ACYP2: variants seen among roughly 807,000 people sequenced by gnomAD.
ACYP2 encodes acylphosphatase 2.
ACYP2 carries 12 observed loss-of-function variants against 11.2 expected under a neutral mutation model. The observed-to-expected ratio is 1.08, with a 90% CI of 0.69 to 1.74. The LOEUF is 1.74. Among genes scored for constraint, ACYP2 ranks in the 40% most tolerant of loss-of-function variants. The pLI is 0.00. For synonymous variants in ACYP2, 43 were observed against 32.2 expected (o/e 1.33, Z -1.13); for missense variants, 134 against 101.9 (o/e 1.31, Z -1.35).
chr2:54,099,514 A>G (rs940341848), intron 4 of ACYP2, among the ~76,000 whole-genome samples: 5 of 152,128 alleles, frequency 3.3e-5, no homozygotes, highest in Non-Finnish European at 7.4e-5. Context: ...GATTCCACAT[A>G]TGGGTGAGAT....
At chr2:54,213,903 G>A (rs1334497885) in intron 6 of ACYP2, among the ~76,000 whole-genome samples, 1 of 151,962 alleles carries the variant, frequency 6.6e-6, no homozygotes, top group Non-Finnish European at 1.5e-5. Context: ...AAGTAGCTAA[G>A]ACCACAGGGG....
intron 2 of ACYP2, among the ~76,000 whole-genome samples, chr2:54,004,404 C>CTTTTTTTTTTT (rs1168703943): frequency 3.3e-5 from 3 of 92,060 alleles, no homozygotes; most frequent in East Asian, 3.2e-4. Context: ...GTAGTTTAGC[C>CTTTTTTTTTTT]TTTTTTTTTT....
chr2:53,983,326 C>T (rs557511452), intron 2 of ACYP2, among the ~76,000 whole-genome samples: 17 of 152,104 alleles, frequency 1.1e-4, no homozygotes, highest in Middle Eastern at 3.4e-3. Context: ...GACAACATGA[C>T]GAAACCCCAT....
intron 6 of ACYP2, among the ~76,000 whole-genome samples, chr2:54,222,808 C>T (rs1005908173): frequency 1.2e-4 from 19 of 152,248 alleles, no homozygotes; most frequent in Middle Eastern, 3.4e-3. Context: ...CTTGATTTGC[C>T]ATGTCAGTCT....
chr2:54,095,795 TCC>T (rs1572740075), intron 4 of ACYP2, among the ~76,000 whole-genome samples: 1 of 81,580 alleles, frequency 1.2e-5, no homozygotes. Flanking sequence ...GGGTTGACCC[TCC>T]CACCTCCCTC....
intron 6 of ACYP2, among the ~76,000 whole-genome samples, chr2:54,150,567 G>A (rs189367342): frequency 5.3e-5 from 8 of 151,878 alleles, no homozygotes; most frequent in African/African-American, 9.7e-5. Context: ...GATTACAGGC[G>A]TGGGCCACCA....
chr2:54,087,035 C>A (rs958965002), intron 4 of ACYP2, among the ~76,000 whole-genome samples: 2 of 152,192 alleles, frequency 1.3e-5, no homozygotes, highest in Non-Finnish European at 2.9e-5. Context: ...ACGTTTTCTA[C>A]TAAATTCTGA....
intron 4 of ACYP2, among the ~76,000 whole-genome samples, chr2:54,132,748 T>G (rs1362332375): frequency 6.7e-6 from 1 of 148,424 alleles, no homozygotes; most frequent in East Asian, 1.9e-4. Context: ...TGAATGATTT[T>G]TTTTTTTTTT....
intron 4 of ACYP2, among the ~76,000 whole-genome samples, chr2:54,096,138 G>T (rs1678556091): frequency 7.4e-6 from 1 of 135,486 alleles, no homozygotes; most frequent in Non-Finnish European, 1.6e-5. Context: ...TGGGCGGAGG[G>T]GCTCCTCACT....
chr2:54,284,978 A>G (rs1164617168), intron 6 of ACYP2, among the ~76,000 whole-genome samples: 1 of 152,220 alleles, frequency 6.6e-6, no homozygotes, highest in African/African-American at 2.4e-5. Context: ...TAGACTGGGT[A>G]ATTTATAAAC....
intron 6 of ACYP2, among the ~76,000 whole-genome samples, chr2:54,302,291 C>T (rs957813534): frequency 1.3e-5 from 2 of 152,162 alleles, no homozygotes; most frequent in Admixed American, 6.5e-5. Flanking sequence ...GTGACATCGA[C>T]GTTGCTAAAC....
At chr2:54,164,831 G>A (rs1198988185) in intron 6 of ACYP2, among the ~76,000 whole-genome samples, 2 of 152,152 alleles carry the variant, frequency 1.3e-5, no homozygotes, top group Non-Finnish European at 2.9e-5. Context: ...ACAGCCATTA[G>A]GTATTTGTCC....
At chr2:54,098,183 G>A (rs1678699011) in intron 4 of ACYP2, among the ~76,000 whole-genome samples, 1 of 152,012 alleles carries the variant, frequency 6.6e-6, no homozygotes, top group African/African-American at 2.4e-5. Context: ...TGGCCAGGCT[G>A]GTCTTGAGCT....
chr2:54,267,154 T>C (rs1176798170), intron 6 of ACYP2: 6 of 781,104 alleles, frequency 7.7e-6, no homozygotes, highest in Admixed American at 2.9e-5. Context: ...TGAGTTGTTA[T>C]AATGAGCATG....
Position 54,009,750 on chromosome 2 carries a change from C to CCAGG in ACYP2, c.62+35942_62+35945dup, listed in dbSNP as rs771765520. Among the ~76,000 whole-genome samples the CCAGG allele has an allele frequency of 1.1e-3, 171 of 152,192 alleles. 3 individuals carry two copies. Among genetic ancestry groups the CCAGG allele is most frequent in the Middle Eastern group, 3.4e-3 (1 of 294 alleles). On this transcript the variant is annotated intron_variant, in intron 2 of 6. Coordinates refer to ENST00000607452, the MANE Select transcript of ACYP2 (RefSeq NM_001320586.2). ...AAGAGAGCCAAGCTGAGCACAGTAA[C>CCAGG]CAGGCTACAAGGAGGACAAATGAAT...
intron 4 of ACYP2, among the ~76,000 whole-genome samples, chr2:54,110,926 AG>A (rs1679427996): frequency 6.6e-6 from 1 of 151,716 alleles, no homozygotes; most frequent in South Asian, 2.1e-4. Flanking sequence ...GAGCAAAGAG[AG>A]GTGGTTGAGT....
At chr2:54,080,859 A>G (rs1677610091) in intron 4 of ACYP2, among the ~76,000 whole-genome samples, 1 of 152,004 alleles carries the variant, frequency 6.6e-6, no homozygotes, top group Admixed American at 6.6e-5. Context: ...CTCCCCAGCT[A>G]AAGTGATTTT....
chr2:54,302,106 T>C (rs1452718667), intron 6 of ACYP2, among the ~76,000 whole-genome samples: 1 of 152,218 alleles, frequency 6.6e-6, no homozygotes, highest in Non-Finnish European at 1.5e-5. Flanking sequence ...GTATCTCAAC[T>C]AGGTCAATAC....
chr2:54,110,133 C>A (rs1027580855), intron 4 of ACYP2, among the ~76,000 whole-genome samples: 3 of 152,098 alleles, frequency 2.0e-5, no homozygotes, highest in East Asian at 1.9e-4. Context: ...TTAAACTTCA[C>A]GTAAGCATTT....
Sources: allele counts gnomAD v4.1 joint callset (sites outside exome capture counted in the v4.1 genomes callset), GRCh38; gene constraint gnomAD v4.1.1; transcripts MANE v1.5; gene names NCBI Gene and HGNC (gene_info 2026-07-23, HGNC 2026-07-21).